The following SESTD1 variants were observed in gnomAD, a reference collection of about 807,000 sequenced individuals.
SESTD1 encodes SEC14 and spectrin domain containing 1, also known as SEC14 domain and spectrin repeat-containing protein 1.
In SESTD1, 43 loss-of-function variants were observed where a neutral mutation model predicts 101.7. That is an observed-to-expected ratio of 0.42 (90% CI 0.33 to 0.55). The LOEUF is 0.55. SESTD1 is among the 20% of genes least tolerant of loss of function. The pLI is 0.07. For missense variants in SESTD1, 647 were observed against 815.1 expected (o/e 0.79, Z 2.51); for synonymous variants, 283 against 286.8 (o/e 0.99, Z 0.13).
intron 2 of SESTD1, among the ~76,000 whole-genome samples, chr2:179,190,387 A>G (rs1483545459): frequency 6.6e-6 from 1 of 152,160 alleles, no homozygotes; most frequent in Non-Finnish European, 1.5e-5. Context: ...ACAAAAATTA[A>G]CTCAAGATGA....
At chr2:179,239,216 TA>T (rs1158064464) in intron 1 of SESTD1, among the ~76,000 whole-genome samples, 1 of 152,080 alleles carries the variant, frequency 6.6e-6, no homozygotes, top group Non-Finnish European at 1.5e-5. Flanking sequence ...AACCACCTTT[TA>T]AAAAAATGAA....
In SESTD1 at chr2:179,119,315, T is replaced by G. The variant is rs1345382090; in HGVS notation, c.1443-1702A>C. On this transcript the variant is annotated intron_variant, in intron 13 of 17. Transcript: ENST00000428443. ...ATTAAGCTATAAGGGATGAGAAAGA[T>G]GAAGGATTTTAGGATAAATCTCAAG... Among the ~76,000 whole-genome samples, 3 of 152,162 alleles carry G rather than the reference T, an allele frequency of 2.0e-5. 1 individual carries two copies.
At chr2:179,209,871 C>A (rs141694680) in intron 1 of SESTD1, among the ~76,000 whole-genome samples, 1 of 132,244 alleles carries the variant, frequency 7.6e-6, no homozygotes, top group Non-Finnish European at 1.6e-5. Context: ...CAGAGCAGAA[C>A]TAAATGAAAC....
chr2:179,230,038 C>G (rs144942384), intron 1 of SESTD1, among the ~76,000 whole-genome samples: 9 of 144,630 alleles, frequency 6.2e-5, no homozygotes, highest in Admixed American at 5.1e-4. Context: ...GACAATTAAG[C>G]TAATGAAAAG....
intron 5 of SESTD1, among the ~76,000 whole-genome samples, chr2:179,160,833 G>A (rs2045721862): frequency 6.6e-6 from 1 of 151,918 alleles, no homozygotes; most frequent in South Asian, 2.1e-4. Context: ...TAATGAAGTA[G>A]TATATATAAT....
intron 5 of SESTD1, among the ~76,000 whole-genome samples, chr2:179,155,553 C>A (rs947003937): frequency 6.6e-6 from 1 of 151,882 alleles, no homozygotes; most frequent in African/African-American, 2.4e-5. Context: ...GATTTCGAGA[C>A]TGCAGTGAGC....
At chr2:179,180,861 A>G (rs1289978194) in intron 3 of SESTD1, among the ~76,000 whole-genome samples, 3 of 152,190 alleles carry the variant, frequency 2.0e-5, no homozygotes, top group Non-Finnish European at 4.4e-5. Flanking sequence ...GTACGGATAA[A>G]AAGCTGACAG....
At chr2:179,192,452 T>C (rs2046332527) in intron 1 of SESTD1, among the ~76,000 whole-genome samples, 1 of 152,214 alleles carries the variant, frequency 6.6e-6, no homozygotes, top group South Asian at 2.1e-4. Context: ...GTTTCAATTT[T>C]TGCCCCCATT....
rs886524626 is a variant in SESTD1 at position 179,249,232 on chromosome 2, A to C, written c.-26+15267T>G. Among the ~76,000 whole-genome samples the C allele has an allele frequency of 4.0e-5, 6 of 150,446 alleles. No homozygotes were observed. In the East Asian group the frequency reaches 7.7e-4, roughly 19 times the overall value. On this transcript the variant is annotated intron_variant, in intron 1 of 17. Transcript: ENST00000428443. The stretch of plus-strand genomic sequence containing the variant: ...CAGATTAAAAAAAAAAAAAAAAAGA[A>C]GACTACCCCTATTTGCAAATAATTG...
intron 1 of SESTD1, among the ~76,000 whole-genome samples, chr2:179,223,875 A>C (rs2046847329): frequency 6.6e-6 from 1 of 152,216 alleles, no homozygotes; most frequent in Non-Finnish European, 1.5e-5. Context: ...TTTTAATCTC[A>C]AGGGAAAATT....
At chr2:179,221,188 A>C (rs1446021472) in intron 1 of SESTD1, among the ~76,000 whole-genome samples, 1 of 152,208 alleles carries the variant, frequency 6.6e-6, no homozygotes, top group African/African-American at 2.4e-5. Flanking sequence ...GTTTTTAAAA[A>C]AGGTTAAAAA....
intron 13 of SESTD1, among the ~76,000 whole-genome samples, chr2:179,119,342 T>C (rs1178013644): frequency 6.6e-6 from 1 of 152,160 alleles, no homozygotes; most frequent in Non-Finnish European, 1.5e-5. Flanking sequence ...AATCTCAAGT[T>C]TGGTAGCTGA....
At chr2:179,133,622 A>C (rs1347211721) in intron 9 of SESTD1, among the ~76,000 whole-genome samples, 3 of 152,258 alleles carry the variant, frequency 2.0e-5, no homozygotes, top group Non-Finnish European at 4.4e-5. Context: ...CCTAAATCTA[A>C]ACTCAGGATA....
chr2:179,229,925 G>A (rs2046957862), intron 1 of SESTD1, among the ~76,000 whole-genome samples: 1 of 149,586 alleles, frequency 6.7e-6, no homozygotes, highest in South Asian at 2.1e-4. Flanking sequence ...TCCTGAATTA[G>A]TAATCTCATA....
chr2:179,260,576 G>T lies in SESTD1; in HGVS notation c.-26+3923C>A, dbSNP rs181143699. 3.3e-5 allele frequency among the ~76,000 whole-genome samples: 5 copies of T among 152,240 alleles called. No homozygotes were observed. The East Asian group carries it at 9.6e-4, about 29-fold the overall frequency. ...TCTCTCTCTGCCCCCACAGTTGTCA[G>T]ATGATTTCTAGTAAACGTTTAAAGG... On this transcript the variant is annotated intron_variant, in intron 1 of 17. Transcript: ENST00000428443.
chr2:179,148,106 T>C (rs570119079), intron 7 of SESTD1, among the ~76,000 whole-genome samples: 3 of 152,356 alleles, frequency 2.0e-5, no homozygotes, highest in South Asian at 2.1e-4. Flanking sequence ...TTTTCACAGT[T>C]TGACTTTGTT....
chr2:179,123,412 T>C (rs1480581191), intron 12 of SESTD1, among the ~76,000 whole-genome samples: 2 of 152,162 alleles, frequency 1.3e-5, no homozygotes, highest in African/African-American at 2.4e-5. Flanking sequence ...TAATTACAGT[T>C]CATGCATGCA....
At chr2:179,136,166 T>C (rs948602839) in intron 9 of SESTD1, among the ~76,000 whole-genome samples, 2 of 152,236 alleles carry the variant, frequency 1.3e-5, no homozygotes, top group Non-Finnish European at 2.9e-5. Flanking sequence ...TTCTTCTAGT[T>C]GAAAGACTTT....
At chr2:179,251,149 T>TA (rs1342791969) in intron 1 of SESTD1, among the ~76,000 whole-genome samples, 1 of 152,064 alleles carries the variant, frequency 6.6e-6, no homozygotes, top group Non-Finnish European at 1.5e-5. Context: ...TATGCTGAAT[T>TA]AAAAAAACCA....
Sources: gnomAD v4.1 joint callset for allele counts (sites outside exome capture counted in the v4.1 genomes callset) on GRCh38, gnomAD v4.1.1 for gene constraint, MANE v1.5 for transcripts, NCBI Gene and HGNC (gene_info 2026-07-23, HGNC 2026-07-21) for gene names.